POU6F2: variants seen among roughly 807,000 people sequenced by gnomAD.
The protein encoded by POU6F2 is POU class 6 homeobox 2, also known as POU domain, class 6, transcription factor 2.
A neutral mutation model predicts 71.3 loss-of-function variants in POU6F2; 31 were observed. That is an observed-to-expected ratio of 0.43 (90% CI 0.33 to 0.59). The LOEUF (loss-of-function observed/expected upper bound fraction) is 0.59, where lower values mean the gene tolerates loss of function less well. POU6F2 is among the 20% of genes least tolerant of loss of function. The probability of loss-of-function intolerance (pLI) is 0.04; values close to 1 mark genes in which losing one functional copy is unlikely to be tolerated. For missense variants in POU6F2, 783 were observed against 856.8 expected (o/e 0.91, Z 1.07); for synonymous variants, 347 against 355.7 (o/e 0.98, Z 0.27).
chr7:39,120,896 G>T (rs1422046676), intron 2 of POU6F2: 1 of 152,166 alleles, frequency 6.6e-6, no homozygotes, highest in Admixed American at 6.5e-5. Flanking sequence ...ATAAACTGGA[G>T]AAATTGGTAA....
chr7:39,181,863 C>T (rs1216543997), intron 2 of POU6F2, among the ~76,000 whole-genome samples: 1 of 152,198 alleles, frequency 6.6e-6, no homozygotes, highest in African/African-American at 2.4e-5. Context: ...TTTCCTTCCT[C>T]TTGTTCAAAA....
chr7:39,455,219 C>G (rs977280920), intron 8 of POU6F2, among the ~76,000 whole-genome samples: 9 of 152,186 alleles, frequency 5.9e-5, no homozygotes, highest in African/African-American at 2.2e-4. Flanking sequence ...GTTTTGATCA[C>G]TTGCTGGATT....
chr7:38,991,602 G>A lies in POU6F2; in HGVS notation c.105+13544G>A, dbSNP rs140097039. ...TAATACAGAATTGCTCCTCGCATGG[G>A]TGAAAAGTATGTTCACATGAAAACC... On this transcript the variant is annotated intron_variant, in intron 1 of 9. Coordinates refer to ENST00000518318, the MANE Select transcript of POU6F2 (RefSeq NM_001370959.1). Among the ~76,000 whole-genome samples the A allele has an allele frequency of 7.7e-4, 117 of 152,284 alleles. 1 individual carries two copies. Among genetic ancestry groups the A allele is most frequent in the African/African-American group, 2.7e-3 (112 of 41,572 alleles).
intron 2 of POU6F2, among the ~76,000 whole-genome samples, chr7:39,155,928 C>A (rs968164177): frequency 6.6e-6 from 1 of 152,118 alleles, no homozygotes; most frequent in African/African-American, 2.4e-5. Flanking sequence ...ATTGTTGAAG[C>A]CCCTGAGGAT....
intron 1 of POU6F2, among the ~76,000 whole-genome samples, chr7:39,015,697 T>A (rs1562670395): frequency 2.2e-5 from 2 of 89,174 alleles, no homozygotes; most frequent in South Asian, 3.4e-4. Context: ...TATCTATATA[T>A]TATATATATC....
intron 4 of POU6F2, among the ~76,000 whole-genome samples, chr7:39,219,740 G>A (rs1408728651): frequency 6.6e-6 from 1 of 152,084 alleles, no homozygotes; most frequent in Admixed American, 6.6e-5. Flanking sequence ...AAAGAACACA[G>A]TATGTTTGTC....
intron 1 of POU6F2, among the ~76,000 whole-genome samples, chr7:39,049,760 A>G (rs1357144551): frequency 6.6e-6 from 1 of 151,998 alleles, no homozygotes; most frequent in South Asian, 2.1e-4. Flanking sequence ...AATAATTTCT[A>G]TATCTTTACT....
chr7:39,277,830 G>A (rs533915376), intron 4 of POU6F2, among the ~76,000 whole-genome samples: 1 of 152,096 alleles, frequency 6.6e-6, no homozygotes, highest in South Asian at 2.1e-4. Context: ...AGGCCATGGC[G>A]GGCGAATCAC....
rs1307788719 is a variant in POU6F2, at chr7:39,466,196, A to C, written c.*1510A>C. The C allele has an allele frequency of 2.6e-5, 4 of 152,260 alleles. No homozygotes were observed. Among genetic ancestry groups the C allele is most frequent in the African/African-American group, 9.6e-5 (4 of 41,470 alleles). The allele number at this position is 152,260 out of a possible 1,614,324, so 9.4% of individuals were successfully genotyped here. A position where few individuals can be genotyped will look rare whatever the true frequency, so the allele number is the denominator to read the frequency against. The stretch of plus-strand genomic sequence containing the variant: ...GTTCTTCAGGGGAAAGGAAGTTTGA[A>C]GAAGCTTTCACCAAAAGAAAAAAAT... On this transcript the variant is annotated 3_prime_UTR_variant, in exon 10 of 10. Coordinates refer to ENST00000518318, the MANE Select transcript of POU6F2 (RefSeq NM_001370959.1).
chr7:39,277,209 C>T (rs1162375365), intron 4 of POU6F2, among the ~76,000 whole-genome samples: 1 of 152,064 alleles, frequency 6.6e-6, no homozygotes, highest in Non-Finnish European at 1.5e-5. Context: ...AATCCTGTCA[C>T]TAATAAATCA....
At chr7:39,319,338 G>A (rs968305433) in intron 4 of POU6F2, among the ~76,000 whole-genome samples, 10 of 152,136 alleles carry the variant, frequency 6.6e-5, no homozygotes, top group African/African-American at 2.4e-4. Flanking sequence ...GGTTCCTACT[G>A]ATGGGCACTA....
chr7:39,055,735 C>T (rs959905244), intron 1 of POU6F2, among the ~76,000 whole-genome samples: 6 of 151,954 alleles, frequency 3.9e-5, no homozygotes, highest in African/African-American at 1.4e-4. Context: ...GAAGAAAATA[C>T]TGAAACTGAA....
At chr7:39,278,329 T>C (rs1344828930) in intron 4 of POU6F2, among the ~76,000 whole-genome samples, 1 of 152,122 alleles carries the variant, frequency 6.6e-6, no homozygotes, top group African/African-American at 2.4e-5. Flanking sequence ...ACCAATGGCA[T>C]TGAGCCTGTT....
At chr7:39,244,881 T>C (rs1179456991) in intron 4 of POU6F2, among the ~76,000 whole-genome samples, 2 of 152,154 alleles carry the variant, frequency 1.3e-5, no homozygotes, top group Non-Finnish European at 2.9e-5. Context: ...AAGGATATCA[T>C]TTATAAAAAT....
Position 39,105,518 on chromosome 7 carries a change from A to G in POU6F2, c.277+19487A>G, listed in dbSNP as rs540706923. Among the ~76,000 whole-genome samples the G allele has an allele frequency of 1.8e-4, 28 of 151,602 alleles. No individual in the cohort carries two copies. In the South Asian group the frequency reaches 2.3e-3, roughly 12 times the overall value. On this transcript the variant is annotated intron_variant, in intron 2 of 9. Coordinates refer to ENST00000518318, the MANE Select transcript of POU6F2 (RefSeq NM_001370959.1). The stretch of plus-strand genomic sequence containing the variant: ...GTAGAAGTTGATGCCACATTTCCCC[A>G]TGTGTGATAATATCTATCAAGAAGT...
At chr7:39,167,647 A>T (rs1434901581) in intron 2 of POU6F2, among the ~76,000 whole-genome samples, 1 of 152,114 alleles carries the variant, frequency 6.6e-6, no homozygotes, top group Non-Finnish European at 1.5e-5. Context: ...GATATTAAAT[A>T]TCTTTTTCTT....
Position 39,079,180 on chromosome 7 carries a change from CTTTT to C in POU6F2, c.106-6659_106-6656del, listed in dbSNP as rs1162865518. 8.8e-5 allele frequency among the ~76,000 whole-genome samples: 7 copies of C among 79,322 alleles called. No individual in the cohort carries two copies. The Middle Eastern group carries it at 0.045, about 515-fold the overall frequency. 52.0% of individuals were successfully genotyped at this position (79,322 alleles called of 152,430 possible). A position where few individuals can be genotyped will look rare whatever the true frequency, so the allele number is the denominator to read the frequency against. Reference sequence around the variant, plus strand: ...TTATCTCACTTGAGTCTCACAATATCTTTTTTTTTTTTTTTTTTTTTTTTCCGAG... The same window carrying C: ...TTATCTCACTTGAGTCTCACAATATCTTTTTTTTTTTTTTTTTTTTCCGAG... On this transcript the variant is annotated intron_variant, in intron 1 of 9. Transcript: ENST00000518318.
intron 4 of POU6F2, among the ~76,000 whole-genome samples, chr7:39,292,602 T>C (rs1421276622): frequency 6.6e-6 from 1 of 152,202 alleles, no homozygotes; most frequent in African/African-American, 2.4e-5. Flanking sequence ...TATAATTTGA[T>C]GCGGTTTGTC....
At chr7:39,441,254 C>T (rs1355925483) in intron 7 of POU6F2, among the ~76,000 whole-genome samples, 1 of 146,858 alleles carries the variant, frequency 6.8e-6, no homozygotes, top group Admixed American at 6.8e-5. Flanking sequence ...AAGAAAATAA[C>T]TCTGATAGCA....
Sources: gnomAD v4.1 joint callset for allele counts (sites outside exome capture counted in the v4.1 genomes callset) on GRCh38, gnomAD v4.1.1 for gene constraint, MANE v1.5 for transcripts, NCBI Gene and HGNC (gene_info 2026-07-23, HGNC 2026-07-21) for gene names.